Variants in OPTN observed in about 807,000 individuals in gnomAD.
OPTN encodes E3-14.7K-interacting protein.
A neutral mutation model predicts 70.4 loss-of-function variants in OPTN; 54 were observed. The ratio of observed to expected loss-of-function variants is 0.77; its 90% CI spans 0.62 to 0.96. The LOEUF (loss-of-function observed/expected upper bound fraction) is 0.96. Among genes scored for constraint, OPTN ranks in the 40% least tolerant of loss-of-function variants. OPTN has a pLI of 0.00. For synonymous variants in OPTN, 256 were observed against 248.5 expected (o/e 1.03, Z -0.28); for missense variants, 624 against 673.2 (o/e 0.93, Z 0.81).
At chr10:13,125,789 G>T (rs1833444708) in intron 10 of OPTN, among the ~76,000 whole-genome samples, 157 bp from the exon 11 acceptor site, 1 of 152,128 alleles carries the variant, frequency 6.6e-6, no homozygotes, top group South Asian at 2.1e-4. Flanking sequence ...TTTCAGAAAA[G>T]ATTTTTTTTG....
chr10:13,119,515 G>C (rs1174632522), intron 7 of OPTN, among the ~76,000 whole-genome samples: 1 of 152,212 alleles, frequency 6.6e-6, no homozygotes, highest in African/African-American at 2.4e-5. Context: ...GCTATGAACA[G>C]TGTGTACAAG....
intron 1 of OPTN, among the ~76,000 whole-genome samples, chr10:13,102,249 T>TACGA (rs1242064639): frequency 3.3e-5 from 5 of 152,214 alleles, no homozygotes; most frequent in Non-Finnish European, 5.9e-5. Flanking sequence ...GTGCCTTGGG[T>TACGA]ACGAGTGTTT....
intron 5 of OPTN, among the ~76,000 whole-genome samples, chr10:13,113,606 G>A (rs932270512): frequency 1.3e-5 from 2 of 152,216 alleles, no homozygotes; most frequent in African/African-American, 4.8e-5. Flanking sequence ...GGGCATAGGG[G>A]CAGCCCTATT....
chr10:13,108,980 A>G, intron 2 of OPTN, 132 bp from the exon 3 acceptor site: 1 of 824,776 alleles, frequency 1.2e-6, no homozygotes, highest in Non-Finnish European at 2.1e-6. Context: ...AAAAATGTCC[A>G]AAATGTAACT....
At chr10:13,114,684 G>A (rs1291905044) in intron 5 of OPTN, among the ~76,000 whole-genome samples, 1 of 141,096 alleles carries the variant, frequency 7.1e-6, no homozygotes, top group Admixed American at 7.5e-5. Context: ...AGATATATCT[G>A]TATTTATATT....
At chr10:13,100,457 G>A (rs112628075) in intron 1 of OPTN, among the ~76,000 whole-genome samples, 155 bp downstream of exon 1, 8,427 of 152,270 alleles carry the variant, frequency 0.055, 325 homozygotes, top group Non-Finnish European at 0.086. Flanking sequence ...GCCCTCCCGC[G>A]AGACGGCTGC....
At chr10:13,103,045 T>C (rs993188117) in intron 1 of OPTN, among the ~76,000 whole-genome samples, 4 of 152,132 alleles carry the variant, frequency 2.6e-5, no homozygotes, top group African/African-American at 9.7e-5. Context: ...GAATCAAGCC[T>C]TACTCCCAGG....
chr10:13,124,485 G>T (rs1833418242), intron 9 of OPTN, among the ~76,000 whole-genome samples: 1 of 152,166 alleles, frequency 6.6e-6, no homozygotes, highest in South Asian at 2.1e-4. Context: ...ACATTTATTT[G>T]GAAAAAGGTC....
chr10:13,105,091 C>T (rs1273868193), intron 1 of OPTN, among the ~76,000 whole-genome samples: 1 of 152,076 alleles, frequency 6.6e-6, no homozygotes, highest in Non-Finnish European at 1.5e-5. Flanking sequence ...TAAGCCACTG[C>T]ACCCGGCATC....
At chr10:13,110,134 C>T in intron 3 of OPTN, 140 bp from the exon 4 acceptor site, 1 of 1,480,424 alleles carries the variant, frequency 6.8e-7, no homozygotes, top group East Asian at 2.5e-5. Context: ...CGTCTTTTTG[C>T]TGCTGACCCT....
Position 13,127,753 on chromosome 10 carries a change from A to C in OPTN, c.1251A>C (p.Lys417Asn). 6.2e-7 allele frequency: 1 copy of C among 1,614,162 alleles called. No homozygotes were observed. Among genetic ancestry groups the C allele is most frequent in the Non-Finnish European group, 8.5e-7 (1 of 1,180,002 alleles). The stretch of plus-strand genomic sequence containing the variant: ...AAATGTTTCTTTTTCAGTCAGAAAA[A>C]GTGGACAGGGCAGTGCTGAAGGAAC... ...IEELTRKESE[K>N]VDRAVLKELS... The change falls in exon 12 of 15, where the codon AAA (lysine) becomes AAC (asparagine). Residue 417 changes from lysine to asparagine, a missense_variant. Lys to Asn is a moderately conservative substitution (Grantham distance 94). Transcript: ENST00000378747.
chr10:13,117,107 A>G (rs599988), intron 6 of OPTN, among the ~76,000 whole-genome samples: 76,430 of 138,672 alleles, frequency 0.55, 21,284 homozygotes, highest in East Asian at 0.63. Flanking sequence ...TTGAGACGGA[A>G]TCTTGTTCTG....
intron 12 of OPTN, among the ~76,000 whole-genome samples, chr10:13,128,500 G>A (rs1806899610): frequency 1.7e-5 from 1 of 58,848 alleles, no homozygotes; most frequent in Non-Finnish European, 3.2e-5. Flanking sequence ...TATCAAGCCT[G>A]CCTTTTTTTT....
In OPTN at chr10:13,133,912, G is replaced by A. The variant is rs113930852; in HGVS notation, c.1612+331G>A. On this transcript the variant is annotated intron_variant, in intron 14 of 14. Coordinates refer to ENST00000378747, the MANE Select transcript of OPTN (RefSeq NM_001008212.2). ...CAACCTCCACTTCCTGTGTTCAAAC[G>A]GTTCTCCTTCCACAGCCTCCCGAGT... 7.4e-4 allele frequency among the ~76,000 whole-genome samples: 113 copies of A among 152,092 alleles called. No individual in the cohort carries two copies. In the East Asian group the frequency reaches 0.015, roughly 20 times the overall value.
At chr10:13,114,800 A>AAT (rs1554768941) in intron 5 of OPTN, among the ~76,000 whole-genome samples, 1,625 of 17,276 alleles carry the variant, frequency 0.094, 111 homozygotes, top group African/African-American at 0.12. Flanking sequence ...ATAATTATAT[A>AAT]TACATATATA....
In OPTN at chr10:13,137,300, G is replaced by T; in HGVS notation, c.*434G>T. The T allele has an allele frequency of 3.1e-6, 1 of 320,938 alleles. No homozygotes were observed. Among genetic ancestry groups the T allele is most frequent in the Non-Finnish European group, 5.9e-6 (1 of 170,654 alleles). The allele number at this position is 320,938 out of a possible 1,614,324, so 19.9% of individuals were successfully genotyped here. Reference sequence around the variant, plus strand: ...TCTCGAAAGAAAGAAAGAAAAAAAGGAAGGAAGGAGAAGGAAGGAAGGAGA... The same window carrying T: ...TCTCGAAAGAAAGAAAGAAAAAAAGTAAGGAAGGAGAAGGAAGGAAGGAGA... On this transcript the variant is annotated 3_prime_UTR_variant, in exon 15 of 15. Coordinates refer to ENST00000378747, the MANE Select transcript of OPTN (RefSeq NM_001008212.2).
At chr10:13,118,102 TA>T (rs1446504775) in intron 6 of OPTN, among the ~76,000 whole-genome samples, 1 of 152,256 alleles carries the variant, frequency 6.6e-6, no homozygotes, top group African/African-American at 2.4e-5. Context: ...TGGCTATTTT[TA>T]AAATAACAGC....
intron 1 of OPTN, among the ~76,000 whole-genome samples, chr10:13,102,588 C>T (rs1032745642): frequency 6.6e-6 from 1 of 152,128 alleles, no homozygotes; most frequent in Non-Finnish European, 1.5e-5. Context: ...GGCTGTGGTA[C>T]AGACAAGATA....
intron 12 of OPTN, among the ~76,000 whole-genome samples, 164 bp downstream of exon 12, chr10:13,128,067 T>G (rs1369318708): frequency 6.6e-6 from 1 of 152,260 alleles, no homozygotes; most frequent in Non-Finnish European, 1.5e-5. Flanking sequence ...AAGTGCTCAG[T>G]GGATCTTATC....
Sources: allele counts gnomAD v4.1 joint callset (sites outside exome capture counted in the v4.1 genomes callset), GRCh38; gene constraint gnomAD v4.1.1; transcripts MANE v1.5; gene names NCBI Gene and HGNC (gene_info 2026-07-23, HGNC 2026-07-21).